CACNA1B: variants seen among roughly 807,000 people sequenced by gnomAD.
CACNA1B encodes the protein calcium voltage-gated channel subunit alpha1 B.
Under a neutral mutation model 247.2 loss-of-function variants are expected in CACNA1B, and 70 were observed. The ratio of observed to expected loss-of-function variants is 0.28; its 90% CI spans 0.23 to 0.35. CACNA1B has a LOEUF of 0.35. Among genes scored for constraint, CACNA1B ranks in the 10% least tolerant of loss-of-function variants. The probability of loss-of-function intolerance (pLI) is 1.00; values close to 1 mark genes in which losing one functional copy is unlikely to be tolerated. For synonymous variants in CACNA1B, 1,231 were observed against 1,294.4 expected (o/e 0.95, Z 1.05); for missense variants, 2,367 against 3,197.4 (o/e 0.74, Z 6.26).
rs905417222 is a variant in CACNA1B at position 138,023,440 on chromosome 9, C to A, written c.2697C>A (p.Pro899=). The change falls in exon 19 of 47, where the codon CCC becomes CCA. Residue 899 remains proline, a synonymous_variant. Coordinates refer to ENST00000371372, the MANE Select transcript of CACNA1B (RefSeq NM_000718.4). ...GCCACAGCAAGGAGGCCGCGGGGCC[C>A]CCGGAGGCGCGGAGCGAGCGCGGCC... ...HRSHSKEAAG[P]PEARSERGRG... is the part of the protein sequence containing the mutation. 1.5e-5 allele frequency: 19 copies of A among 1,252,004 alleles called. No individual in the cohort carries two copies. Among genetic ancestry groups the A allele is most frequent in the Non-Finnish European group, 1.9e-5 (19 of 1,001,532 alleles). The allele number at this position is 1,252,004 out of a possible 1,614,324, so 77.6% of individuals were successfully genotyped here.
rs1442859615 is a variant in CACNA1B at position 137,974,504 on chromosome 9, T to C, written c.1544-1403T>C. On this transcript the variant is annotated intron_variant, in intron 11 of 46. Coordinates refer to ENST00000371372, the MANE Select transcript of CACNA1B (RefSeq NM_000718.4). This position sits in a 1 kb window ranked among gnomAD's most constrained non-coding sequence, Gnocchi z 4.5. Reference sequence around the variant, plus strand: ...TCCGCTCCCTGAGACTCCTGTCTGTTTGTACGGTGCCTGAGTGGTCTGTGA... The same window carrying C: ...TCCGCTCCCTGAGACTCCTGTCTGTCTGTACGGTGCCTGAGTGGTCTGTGA... Among the ~76,000 whole-genome samples, 1 of 152,170 alleles carries C rather than the reference T, an allele frequency of 6.6e-6. No homozygotes were observed. Among genetic ancestry groups the C allele is most frequent in the African/African-American group, 2.4e-5 (1 of 41,436 alleles).
rs942093377 is a variant in CACNA1B, at chr9:138,104,589, C to T, written c.5320-1110C>T. Among the ~76,000 whole-genome samples, 15 of 152,350 alleles carry T rather than the reference C, an allele frequency of 9.8e-5. No individual in the cohort carries two copies. The East Asian group carries it at 1.7e-3, about 18-fold the overall frequency. On this transcript the variant is annotated intron_variant, in intron 38 of 46. Coordinates refer to ENST00000371372, the MANE Select transcript of CACNA1B (RefSeq NM_000718.4). The stretch of plus-strand genomic sequence containing the variant: ...CAGAGTCAGGCTCATGTCTCCAGCC[C>T]GGCTTGCATCCACACCCCACTAGCT...
At chr9:138,093,699 C>T (rs558657203) in intron 36 of CACNA1B, among the ~76,000 whole-genome samples, 2 of 151,486 alleles carry the variant, frequency 1.3e-5, no homozygotes, top group African/African-American at 4.8e-5. Flanking sequence ...GAGATCACGC[C>T]ACTGCACTCC....
At position 137,884,963 on chromosome 9, in the gene CACNA1B, C is replaced by T. The variant is rs977801609; in HGVS notation, c.530+2080C>T. Among the ~76,000 whole-genome samples, 43 of 107,096 alleles carry T rather than the reference C, an allele frequency of 4.0e-4. 4 individuals are homozygous for T. In the East Asian group the frequency reaches 7.6e-3, roughly 19 times the overall value. The allele number at this position is 107,096 out of a possible 152,430, so 70.3% of individuals were successfully genotyped here. On this transcript the variant is annotated intron_variant, in intron 3 of 46. Transcript: ENST00000371372. ...TCTCCCTCCTCTCCCCTCTTCCCCCCCCCCCTCCTCCCACTTTGCCTGTCT... is the reference window on the plus strand; with the variant it reads ...TCTCCCTCCTCTCCCCTCTTCCCCCTCCCCCTCCTCCCACTTTGCCTGTCT...
chr9:138,058,502 G>A lies in CACNA1B; in HGVS notation c.4309-67G>A. 7.1e-7 allele frequency: 1 copy of A among 1,412,898 alleles called. No homozygotes were observed. 87.5% of individuals were successfully genotyped at this position (1,412,898 alleles called of 1,614,324 possible). ...TGTGAGGCCTGGCGAGACAGGGCTGGGTGCAGTAGATGCCGTCGGGTAGGT... is the reference window on the plus strand; with the variant it reads ...TGTGAGGCCTGGCGAGACAGGGCTGAGTGCAGTAGATGCCGTCGGGTAGGT... On this transcript the variant is annotated intron_variant, in intron 28 of 46. Coordinates refer to ENST00000371372, the MANE Select transcript of CACNA1B (RefSeq NM_000718.4). The surrounding 1 kb of genome is among the most constrained non-coding windows in gnomAD (Gnocchi z 4.7).
chr9:137,973,165 C>T lies in CACNA1B; in HGVS notation c.1543+1573C>T, dbSNP rs988828065. Among the ~76,000 whole-genome samples the T allele has an allele frequency of 6.6e-6, 1 of 152,194 alleles. No individual in the cohort carries two copies. The highest frequency in any genetic ancestry group is 2.4e-5 in the African/African-American group (1 of 41,426). On this transcript the variant is annotated intron_variant, in intron 11 of 46. Coordinates refer to ENST00000371372, the MANE Select transcript of CACNA1B (RefSeq NM_000718.4). This position sits in a 1 kb window ranked among gnomAD's most constrained non-coding sequence, Gnocchi z 4.1. Reference sequence around the variant, plus strand: ...TGTGCGAGCACAGGGCTGGCAGTGTCCAGGCGTTGGTGAGGCCACAGGCAT... The same window carrying T: ...TGTGCGAGCACAGGGCTGGCAGTGTTCAGGCGTTGGTGAGGCCACAGGCAT...
At position 137,972,774 on chromosome 9, in the gene CACNA1B, C is replaced by T. The variant is rs568930631; in HGVS notation, c.1543+1182C>T. Among the ~76,000 whole-genome samples, 5 of 152,246 alleles carry T rather than the reference C, an allele frequency of 3.3e-5. 1 individual carries two copies. Among genetic ancestry groups the T allele is most frequent in the East Asian group, 1.9e-4 (1 of 5,176 alleles). On this transcript the variant is annotated intron_variant, in intron 11 of 46. Transcript: ENST00000371372. The stretch of plus-strand genomic sequence containing the variant: ...ACTTGACATTGAAATCTACGACTTC[C>T]GAACGGGGAGATGGTGCGGAGGGGC...
chr9:138,112,525 A>T lies in CACNA1B; in HGVS notation c.5536+20A>T. On this transcript the variant is annotated intron_variant, in intron 40 of 46. Transcript: ENST00000371372. Reference sequence around the variant, plus strand: ...ATAAGCGTAAGTGTGAGGGTGAGAAATGCCCCCAGCCCCCACCTTTACTGT... The same window carrying T: ...ATAAGCGTAAGTGTGAGGGTGAGAATTGCCCCCAGCCCCCACCTTTACTGT... 3 of 1,472,098 alleles carry T rather than the reference A, an allele frequency of 2.0e-6. No individual in the cohort carries two copies. The highest frequency in any genetic ancestry group is 2.9e-6 in the Non-Finnish European group (3 of 1,050,488). 91.2% of individuals were successfully genotyped at this position (1,472,098 alleles called of 1,614,324 possible).
chr9:138,098,087 C>A (rs1387947384), intron 37 of CACNA1B, among the ~76,000 whole-genome samples: 1 of 152,186 alleles, frequency 6.6e-6, no homozygotes, highest in Admixed American at 6.5e-5. Context: ...TCATTTGAGT[C>A]GGAAATATAC....
At chr9:138,119,044 A>G (rs974401322) in intron 44 of CACNA1B, among the ~76,000 whole-genome samples, 4 of 152,040 alleles carry the variant, frequency 2.6e-5, no homozygotes, top group Non-Finnish European at 5.9e-5. Flanking sequence ...GCCTCCTATT[A>G]GGGGCCATGG....
chr9:137,988,664 A>G (rs1022825818), intron 15 of CACNA1B, among the ~76,000 whole-genome samples: 1 of 152,224 alleles, frequency 6.6e-6, no homozygotes, highest in Admixed American at 6.5e-5. Flanking sequence ...CAGTGGTGAG[A>G]GACAGCAGAG....
chr9:138,040,747 A>T (rs1316761661), intron 20 of CACNA1B: 2 of 193,376 alleles, frequency 1.0e-5, no homozygotes, highest in Admixed American at 1.1e-4. Context: ...TGCCCACCAG[A>T]GGAAGGGTGG....
At chr9:137,909,360 C>G (rs1171351539) in intron 3 of CACNA1B, among the ~76,000 whole-genome samples, 1 of 152,150 alleles carries the variant, frequency 6.6e-6, no homozygotes, top group Admixed American at 6.6e-5. Context: ...TCCCCACTTC[C>G]CTTCCTTCAG....
In CACNA1B at chr9:138,102,482, G is replaced by C. The variant is rs1412248531; in HGVS notation, c.5223-229G>C. ...CCCCGCGTGGGGCTGGAGTGAGGAG[G>C]TGAGGCTCGGGGGTGGGGGGCCAGG... is the stretch of plus-strand genomic sequence containing the variant. On this transcript the variant is annotated intron_variant, in intron 37 of 46. Transcript: ENST00000371372. This position sits in a 1 kb window ranked among gnomAD's most constrained non-coding sequence, Gnocchi z 5.4. Among the ~76,000 whole-genome samples the C allele has an allele frequency of 6.6e-6, 1 of 152,170 alleles. No individual in the cohort carries two copies. Among genetic ancestry groups the C allele is most frequent in the African/African-American group, 2.4e-5 (1 of 41,450 alleles).
chr9:138,114,300 C>A, intron 40 of CACNA1B, 78 bp from the exon 41 acceptor site: 2 of 741,666 alleles, frequency 2.7e-6, no homozygotes, highest in South Asian at 1.6e-5. Context: ...CGGCTGTTTC[C>A]TCACCTTACT....
At chr9:138,002,042 A>G (rs951846895) in intron 15 of CACNA1B, among the ~76,000 whole-genome samples, 5 of 152,256 alleles carry the variant, frequency 3.3e-5, no homozygotes, top group African/African-American at 1.2e-4. Context: ...GGAATTCAGC[A>G]TATTGATTAT....
rs550209107 is a variant in CACNA1B at position 138,040,620 on chromosome 9, C to T, written c.3287-3154C>T. ...GAGTCTCAAAGCTGAACTTGGAGTC[C>T]GATGTTCGAGGGCAGGAAGCGTCCA... On this transcript the variant is annotated intron_variant, in intron 20 of 46. Coordinates refer to ENST00000371372, the MANE Select transcript of CACNA1B (RefSeq NM_000718.4). The T allele has an allele frequency of 3.4e-4, 148 of 430,156 alleles. 3 individuals are homozygous for T. The highest frequency in any genetic ancestry group is 2.3e-3 in the South Asian group (138 of 60,222). The allele number at this position is 430,156 out of a possible 1,614,324, so 26.6% of individuals were successfully genotyped here.
At chr9:137,910,746 G>A (rs886768436) in intron 3 of CACNA1B, among the ~76,000 whole-genome samples, 2 of 152,104 alleles carry the variant, frequency 1.3e-5, no homozygotes, top group Non-Finnish European at 2.9e-5. Flanking sequence ...GACAGGAGGC[G>A]GAGCTCAGGC....
Position 138,023,302 on chromosome 9 carries a change from G to A in CACNA1B, c.2559G>A (p.Arg853=). ...TCGACCCTCCGCGCAGGCACCACCG[G>A]CACCGCGACAAGGACAAGACCCCCG... ...EGVDPPRRHH[R]HRDKDKTPAA... is the part of the protein sequence containing the mutation. The change falls in exon 19 of 47, where the codon CGG becomes CGA. Residue 853 remains arginine (R), a synonymous_variant. Coordinates refer to ENST00000371372, the MANE Select transcript of CACNA1B (RefSeq NM_000718.4). The A allele has an allele frequency of 6.6e-7, 1 of 1,515,314 alleles. No homozygotes were observed. The highest frequency in any genetic ancestry group is 8.8e-7 in the Non-Finnish European group (1 of 1,139,684). 93.9% of individuals were successfully genotyped at this position (1,515,314 alleles called of 1,614,324 possible).
Sources: gnomAD v4.1 joint callset for allele counts (sites outside exome capture counted in the v4.1 genomes callset) on GRCh38, gnomAD v4.1.1 for gene constraint, Gnocchi (gnomAD v3.1) non-coding constraint, MANE v1.5 for transcripts, NCBI Gene and HGNC (gene_info 2026-07-23, HGNC 2026-07-21) for gene names.